The following PDE4D variants were observed in gnomAD, a reference collection of about 807,000 sequenced individuals.
PDE4D encodes the protein 3',5'-cyclic-AMP phosphodiesterase 4D.
In PDE4D, 24 loss-of-function variants were observed where a neutral mutation model predicts 87.4. That is an observed-to-expected ratio of 0.27 (90% CI 0.20 to 0.39). The LOEUF (loss-of-function observed/expected upper bound fraction) is 0.39. Among genes scored for constraint, PDE4D ranks in the 10% least tolerant of loss-of-function variants. The pLI is 1.00. For missense variants in PDE4D, 714 were observed against 1,041.0 expected (o/e 0.69, Z 4.32); for synonymous variants, 384 against 383.2 (o/e 1.00, Z -0.02).
At chr5:60,231,684 T>C (rs1325847162) in intron 1 of PDE4D, among the ~76,000 whole-genome samples, 2 of 151,926 alleles carry the variant, frequency 1.3e-5, no homozygotes, top group Non-Finnish European at 2.9e-5. Context: ...TGCAGTAAAT[T>C]ATTCAAATAA....
intron 1 of PDE4D, among the ~76,000 whole-genome samples, chr5:59,543,558 T>A (rs1221657633): frequency 1.3e-5 from 2 of 152,106 alleles, no homozygotes; most frequent in African/African-American, 4.8e-5. Context: ...TATAAAGGAA[T>A]CCAGGACAGG....
intron 5 of PDE4D, among the ~76,000 whole-genome samples, chr5:59,071,991 C>T (rs1764918976): frequency 1.3e-5 from 2 of 152,056 alleles, no homozygotes; most frequent in African/African-American, 4.8e-5. Flanking sequence ...GCCCGGCCAA[C>T]ATCTGTACTT....
chr5:59,539,409 A>G (rs1234794178), intron 1 of PDE4D, among the ~76,000 whole-genome samples: 1 of 152,140 alleles, frequency 6.6e-6, no homozygotes, highest in Non-Finnish European at 1.5e-5. Context: ...ATCACTAGCC[A>G]GATTTAAATC....
intron 1 of PDE4D, among the ~76,000 whole-genome samples, chr5:59,801,769 T>C (rs1214013034): frequency 1.3e-5 from 2 of 152,202 alleles, no homozygotes; most frequent in African/African-American, 2.4e-5. Context: ...CAAACAACTC[T>C]GTTCCAATAA....
chr5:60,350,109 A>G (rs564087604), intron 1 of PDE4D, among the ~76,000 whole-genome samples: 1 of 152,292 alleles, frequency 6.6e-6, no homozygotes, highest in Admixed American at 6.5e-5. Flanking sequence ...ATATTACCCT[A>G]GCCAATTATC....
chr5:59,923,017 C>G (rs977158215), intron 3 of PDE4D, among the ~76,000 whole-genome samples: 11 of 152,064 alleles, frequency 7.2e-5, no homozygotes, highest in African/African-American at 2.7e-4. Context: ...TCACTTACCA[C>G]AAGCTGACTG....
chr5:59,597,835 A>G (rs1490264838), intron 1 of PDE4D, among the ~76,000 whole-genome samples: 3 of 152,170 alleles, frequency 2.0e-5, no homozygotes, highest in African/African-American at 4.8e-5. Flanking sequence ...TTGTGGACAG[A>G]TGCCCTCTCA....
intron 2 of PDE4D, among the ~76,000 whole-genome samples, chr5:60,076,041 C>T (rs1773252918): frequency 6.6e-6 from 1 of 152,186 alleles, no homozygotes; most frequent in Admixed American, 6.5e-5. Context: ...GTTAAGAACT[C>T]TTACTGGAGA....
intron 2 of PDE4D, among the ~76,000 whole-genome samples, chr5:60,158,461 T>C (rs1438883130): frequency 1.3e-5 from 2 of 152,232 alleles, no homozygotes; most frequent in African/African-American, 2.4e-5. Flanking sequence ...GAAGTTGCTC[T>C]GGGTGAGTCA....
At chr5:59,708,905 CTTTT>C in intron 1 of PDE4D, among the ~76,000 whole-genome samples, 1 of 135,340 alleles carries the variant, frequency 7.4e-6, no homozygotes, top group Admixed American at 7.5e-5. Flanking sequence ...TCTCATCTGG[CTTTT>C]TTTTTTTTTT....
intron 1 of PDE4D, among the ~76,000 whole-genome samples, chr5:59,236,303 T>A (rs1318194232): frequency 1.3e-5 from 2 of 152,200 alleles, no homozygotes; most frequent in Non-Finnish European, 2.9e-5. Context: ...TACTACCTCG[T>A]TGTGATTTTG....
At chr5:59,480,639 T>C (rs1229566397) in intron 1 of PDE4D, among the ~76,000 whole-genome samples, 2 of 152,180 alleles carry the variant, frequency 1.3e-5, no homozygotes, top group Non-Finnish European at 2.9e-5. Context: ...AGGATGGGAA[T>C]ACCCCATGAA....
chr5:60,427,426 C>G (rs1005695698), intron 1 of PDE4D, among the ~76,000 whole-genome samples: 1 of 152,008 alleles, frequency 6.6e-6, no homozygotes, highest in Non-Finnish European at 1.5e-5. Flanking sequence ...AAAGGAAAAA[C>G]GAAAACAAAG....
At chr5:60,328,014 G>A (rs933490660) in intron 1 of PDE4D, among the ~76,000 whole-genome samples, 1 of 152,150 alleles carries the variant, frequency 6.6e-6, no homozygotes, top group Admixed American at 6.5e-5. Flanking sequence ...TGACAATGAT[G>A]ATGACAGAAT....
intron 2 of PDE4D, among the ~76,000 whole-genome samples, chr5:60,048,945 A>T (rs1040799574): frequency 8.5e-5 from 13 of 152,294 alleles, no homozygotes; most frequent in African/African-American, 3.1e-4. Context: ...CTCCTGGATA[A>T]TATCCTGCAG....
At chr5:59,703,699 C>A (rs979581034) in intron 1 of PDE4D, 1 of 490,142 alleles carries the variant, frequency 2.0e-6, no homozygotes, top group South Asian at 1.5e-5. Context: ...TCAAAGAGCA[C>A]AGATTGACTT....
At chr5:60,329,320 C>T (rs1757101515) in intron 1 of PDE4D, among the ~76,000 whole-genome samples, 1 of 152,110 alleles carries the variant, frequency 6.6e-6, no homozygotes, top group African/African-American at 2.4e-5. Context: ...TTACAAAGGG[C>T]ACTTCCCCTG....
Position 58,974,767 on chromosome 5 carries a change from G to GTAGAC in PDE4D, c.2322_2326dup (p.Thr776SerfsTer16). 1 of 1,613,582 alleles carries GTAGAC rather than the reference G, an allele frequency of 6.2e-7. No individual in the cohort carries two copies. Among genetic ancestry groups the GTAGAC allele is most frequent in the Non-Finnish European group, 8.5e-7 (1 of 1,179,608 alleles). On this transcript the variant is annotated frameshift_variant, in exon 15 of 15. Coordinates refer to ENST00000340635, the MANE Select transcript of PDE4D (RefSeq NM_001104631.2). LOFTEE classifies it high-confidence loss of function. ...AACCTGTTCATCAAGGGGAATTTCAGTAGACTCTGAGTCTTGAGTACAAAG... is the reference window on the plus strand; with the variant it reads ...AACCTGTTCATCAAGGGGAATTTCAGTAGACTAGACTCTGAGTCTTGAGTACAAAG...
intron 1 of PDE4D, among the ~76,000 whole-genome samples, chr5:59,317,205 C>A (rs957987996): frequency 6.6e-6 from 1 of 152,118 alleles, no homozygotes; most frequent in African/African-American, 2.4e-5. Flanking sequence ...TTGGTGGGCA[C>A]CAGTTGGCAA....
Sources: gnomAD v4.1 joint callset for allele counts (sites outside exome capture counted in the v4.1 genomes callset) on GRCh38, gnomAD v4.1.1 for gene constraint, MANE v1.5 for transcripts, NCBI Gene and HGNC (gene_info 2026-07-23, HGNC 2026-07-21) for gene names.